RARB: variants seen among roughly 807,000 people sequenced by gnomAD.
The protein encoded by RARB is retinoic acid receptor beta, also known as HBV-activated protein.
Under a neutral mutation model 51.9 loss-of-function variants are expected in RARB, and 17 were observed. The observed-to-expected ratio is 0.33, with a 90% CI of 0.22 to 0.49. RARB has a LOEUF of 0.49. Ranked by LOEUF, RARB falls within the 20% of genes least tolerant of loss-of-function variation. The probability of loss-of-function intolerance (pLI) is 0.99; values close to 1 mark genes in which losing one functional copy is unlikely to be tolerated. For synonymous variants in RARB, 215 were observed against 195.4 expected (o/e 1.10, Z -0.84); for missense variants, 369 against 550.8 (o/e 0.67, Z 3.30).
intron 2 of RARB, among the ~76,000 whole-genome samples, chr3:24,890,656 G>C (rs1328167923): frequency 1.3e-5 from 2 of 152,098 alleles, no homozygotes; most frequent in Non-Finnish European, 2.9e-5. Flanking sequence ...TTGACATATG[G>C]GTCACCATAG....
chr3:25,072,544 A>G (rs985014807), intron 3 of RARB, among the ~76,000 whole-genome samples: 3 of 152,196 alleles, frequency 2.0e-5, no homozygotes, highest in Admixed American at 2.0e-4. Context: ...CAAGATTCCC[A>G]TACTATTTTA....
chr3:25,233,882 A>T (rs1702242582), intron 5 of RARB, among the ~76,000 whole-genome samples: 1 of 151,726 alleles, frequency 6.6e-6, no homozygotes, highest in Admixed American at 6.6e-5. Flanking sequence ...CATTAACTTC[A>T]TTGATTTTTG....
chr3:25,074,110 T>C (rs934923212), intron 3 of RARB, among the ~76,000 whole-genome samples: 6 of 152,250 alleles, frequency 3.9e-5, no homozygotes, highest in African/African-American at 1.4e-4. Flanking sequence ...ATGCCAGTTC[T>C]AAACTAAACC....
intron 2 of RARB, among the ~76,000 whole-genome samples, chr3:25,039,813 T>C (rs1297296768): frequency 6.6e-6 from 1 of 151,972 alleles, no homozygotes; most frequent in Non-Finnish European, 1.5e-5. Context: ...TTAAGAGAGG[T>C]GAGGAAAGTG....
At chr3:25,084,379 T>C (rs1487163839) in intron 3 of RARB, among the ~76,000 whole-genome samples, 1 of 152,202 alleles carries the variant, frequency 6.6e-6, no homozygotes, top group Non-Finnish European at 1.5e-5. Flanking sequence ...CTATATATGT[T>C]ACTCTGCCAT....
At chr3:25,580,377 C>T (rs1701121889) in intron 4 of RARB, among the ~76,000 whole-genome samples, 169 bp from the exon 5 acceptor site, 1 of 152,146 alleles carries the variant, frequency 6.6e-6, no homozygotes, top group African/African-American at 2.4e-5. Context: ...CCGTCTCACA[C>T]ACACAAAAAA....
At chr3:25,332,629 C>G (rs186703131) in intron 5 of RARB, among the ~76,000 whole-genome samples, 1 of 152,148 alleles carries the variant, frequency 6.6e-6, no homozygotes, top group Non-Finnish European at 1.5e-5. Flanking sequence ...ACAGGGATGA[C>G]CTCTCTCACC....
chr3:24,907,595 C>A (rs1333759953), intron 2 of RARB, among the ~76,000 whole-genome samples: 4 of 152,108 alleles, frequency 2.6e-5, no homozygotes, highest in Non-Finnish European at 5.9e-5. Context: ...GTTAGTATGA[C>A]TGTTGGAATG....
intron 2 of RARB, among the ~76,000 whole-genome samples, chr3:24,898,191 A>G (rs1158853119): frequency 1.3e-5 from 2 of 152,142 alleles, no homozygotes; most frequent in Non-Finnish European, 2.9e-5. Flanking sequence ...CTGATGCTTC[A>G]TCACGTGATT....
At chr3:24,849,738 T>C (rs765448070) in intron 1 of RARB, among the ~76,000 whole-genome samples, 20 of 152,374 alleles carry the variant, frequency 1.3e-4, no homozygotes, top group Non-Finnish European at 2.5e-4. Context: ...ATTTTGAGCA[T>C]ACCTGTTTAC....
In RARB at chr3:25,532,334, T is replaced by C. The variant is rs116237813; in HGVS notation, c.448+31011T>C. On this transcript the variant is annotated intron_variant, in intron 3 of 7. Coordinates refer to ENST00000330688, the MANE Select transcript of RARB (RefSeq NM_000965.5). Reference sequence around the variant, plus strand: ...TTAAACATGGCAAGTCATAAACACATGCTTTTTAAATCATGTGGCTACATT... The same window carrying C: ...TTAAACATGGCAAGTCATAAACACACGCTTTTTAAATCATGTGGCTACATT... Among the ~76,000 whole-genome samples, 1,033 of 152,330 alleles carry C rather than the reference T, an allele frequency of 6.8e-3. 13 individuals are homozygous for C. Among genetic ancestry groups the C allele is most frequent in the African/African-American group, 0.023 (974 of 41,570 alleles).
chr3:25,485,186 C>T (rs1696403519), intron 2 of RARB, among the ~76,000 whole-genome samples: 1 of 152,198 alleles, frequency 6.6e-6, no homozygotes, highest in African/African-American at 2.4e-5. Context: ...CATAGAAGCA[C>T]AGTAATATCA....
At chr3:24,936,840 A>C (rs1695557672) in intron 2 of RARB, among the ~76,000 whole-genome samples, 1 of 152,206 alleles carries the variant, frequency 6.6e-6, no homozygotes, top group South Asian at 2.1e-4. Context: ...TATAGTCAGA[A>C]TACTGACCTA....
intron 2 of RARB, among the ~76,000 whole-genome samples, chr3:24,935,467 T>G (rs1288235267): frequency 6.6e-6 from 1 of 152,162 alleles, no homozygotes; most frequent in Non-Finnish European, 1.5e-5. Context: ...AGCCTTCTTT[T>G]GTGTTGCTTC....
chr3:25,438,581 G>C (rs568752036), intron 1 of RARB, among the ~76,000 whole-genome samples: 5 of 152,270 alleles, frequency 3.3e-5, no homozygotes, highest in African/African-American at 1.2e-4. Context: ...TCATTTTACA[G>C]ATGAGGAAAT....
At chr3:25,322,503 A>C (rs1704601264) in intron 5 of RARB, among the ~76,000 whole-genome samples, 1 of 152,224 alleles carries the variant, frequency 6.6e-6, no homozygotes, top group Non-Finnish European at 1.5e-5. Context: ...ACATTGGCAC[A>C]CATATATAAA....
At chr3:25,353,243 C>T (rs1163489201) in intron 5 of RARB, among the ~76,000 whole-genome samples, 1 of 152,154 alleles carries the variant, frequency 6.6e-6, no homozygotes, top group Admixed American at 6.6e-5. Flanking sequence ...AGGCAAGAAA[C>T]CCAGCTCTGA....
intron 2 of RARB, among the ~76,000 whole-genome samples, chr3:24,905,521 G>C (rs1694842656): frequency 6.6e-6 from 1 of 152,180 alleles, no homozygotes; most frequent in Non-Finnish European, 1.5e-5. Flanking sequence ...CACAGTTCTG[G>C]CCAGTGAGAC....
At chr3:25,233,582 A>C (rs1459487504) in intron 5 of RARB, among the ~76,000 whole-genome samples, 1 of 152,186 alleles carries the variant, frequency 6.6e-6, no homozygotes, top group Non-Finnish European at 1.5e-5. Flanking sequence ...AATATTTAAT[A>C]AGGATAGTGA....
Sources: allele counts gnomAD v4.1 joint callset (sites outside exome capture counted in the v4.1 genomes callset), GRCh38; gene constraint gnomAD v4.1.1; transcripts MANE v1.5; gene names NCBI Gene and HGNC (gene_info 2026-07-23, HGNC 2026-07-21).